DCC: variants seen among roughly 807,000 people sequenced by gnomAD.
DCC encodes DCC netrin 1 receptor.
Under a neutral mutation model 172.5 loss-of-function variants are expected in DCC, and 58 were observed. The observed-to-expected ratio is 0.34, with a 90% confidence interval of 0.27 to 0.42. The LOEUF (loss-of-function observed/expected upper bound fraction) is 0.42. Ranked by LOEUF, DCC falls within the 10% of genes least tolerant of loss-of-function variation. The pLI, the probability that DCC is intolerant of heterozygous loss-of-function variation, is 1.00. For synonymous variants in DCC, 709 were observed against 644.5 expected (o/e 1.10, Z -1.52); for missense variants, 1,740 against 1,791.0 (o/e 0.97, Z 0.51).
chr18:52,864,837 T>C (rs6508172), intron 2 of DCC, among the ~76,000 whole-genome samples: 16,606 of 151,934 alleles, frequency 0.11, 1,290 homozygotes, highest in African/African-American at 0.23. Flanking sequence ...TTCATCCATG[T>C]CCCTGCAAAG....
At chr18:52,581,199 C>CTATCTATCTATCTATCTATCTATCTATG (rs1292610259) in intron 1 of DCC, among the ~76,000 whole-genome samples, 9 of 151,904 alleles carry the variant, frequency 5.9e-5, no homozygotes, top group Non-Finnish European at 1.3e-4. Context: ...ATCTATCTAT[C>CTATCTATCTATCTATCTATCTATCTATG]TATCTATCTA....
intron 5 of DCC, chr18:52,931,867 G>GA (rs1374478398): frequency 1.3e-5 from 2 of 152,114 alleles, no homozygotes; most frequent in Non-Finnish European, 2.9e-5. Flanking sequence ...AGAAACATCT[G>GA]AAACCTGGCT....
intron 11 of DCC, among the ~76,000 whole-genome samples, chr18:53,208,622 TG>T (rs1402958298): frequency 6.6e-6 from 1 of 152,194 alleles, no homozygotes; most frequent in Non-Finnish European, 1.5e-5. Flanking sequence ...ATGTGTATGT[TG>T]CCTACTAAAT....
In DCC at chr18:52,936,645, A is replaced by G. The variant is rs1182582548; in HGVS notation, c.985+11275A>G. 2.0e-5 allele frequency among the ~76,000 whole-genome samples: 3 copies of G among 151,626 alleles called. 1 individual carries two copies. The highest frequency in any genetic ancestry group is 1.3e-4 in the Admixed American group (2 of 15,174). ...AATATAATTTTAATTATCCCTAACA[A>G]TCTAAGCAAGGTGAATTGACAATCT... On this transcript the variant is annotated intron_variant, in intron 5 of 28. Transcript: ENST00000442544.
At position 53,417,727 on chromosome 18, in the gene DCC, T is replaced by C. The variant is rs1910401312; in HGVS notation, c.3163+1571T>C. On this transcript the variant is annotated intron_variant, in intron 21 of 28. Coordinates refer to ENST00000442544, the MANE Select transcript of DCC (RefSeq NM_005215.4). Reference sequence around the variant, plus strand: ...TAGTTGAAATGTCATTATTAGTCACTTAGTTGACAACAAACATGTCCAGGC... The same window carrying C: ...TAGTTGAAATGTCATTATTAGTCACCTAGTTGACAACAAACATGTCCAGGC... Among the ~76,000 whole-genome samples, 2 of 152,288 alleles carry C rather than the reference T, an allele frequency of 1.3e-5. 1 individual carries two copies. Among genetic ancestry groups the C allele is most frequent in the South Asian group, 4.1e-4 (2 of 4,834 alleles).
intron 9 of DCC, among the ~76,000 whole-genome samples, chr18:53,202,664 G>A (rs574159711): frequency 6.6e-6 from 1 of 152,246 alleles, no homozygotes; most frequent in South Asian, 2.1e-4. Context: ...GTAGAGTAGA[G>A]GGCTGGGAAG....
intron 1 of DCC, among the ~76,000 whole-genome samples, chr18:52,559,409 C>A (rs1437032179): frequency 1.3e-5 from 2 of 152,156 alleles, no homozygotes; most frequent in African/African-American, 4.8e-5. Flanking sequence ...CCATGCCCAG[C>A]CTAAGAGAGG....
At chr18:52,824,546 A>T (rs77763340) in intron 2 of DCC, among the ~76,000 whole-genome samples, 2 of 152,130 alleles carry the variant, frequency 1.3e-5, no homozygotes, top group African/African-American at 4.8e-5. Context: ...TCAAAAAAAA[A>T]TTAGAGAATT....
intron 12 of DCC, among the ~76,000 whole-genome samples, chr18:53,260,226 CT>C (rs1396818974): frequency 6.6e-6 from 1 of 152,134 alleles, no homozygotes; most frequent in African/African-American, 2.4e-5. Flanking sequence ...CTCCGTCCAG[CT>C]TTGTTTGGTT....
In DCC at chr18:52,487,150, C is replaced by A. The variant is rs367991940; in HGVS notation, c.91+146272C>A. ...CTGGGAGGGTTGGTGGATGAAGATA[C>A]CTGCTTATCTCTGGATTTTGCAAAT... On this transcript the variant is annotated intron_variant, in intron 1 of 28. Coordinates refer to ENST00000442544, the MANE Select transcript of DCC (RefSeq NM_005215.4). Among the ~76,000 whole-genome samples the A allele has an allele frequency of 3.1e-4, 47 of 152,176 alleles. No individual in the cohort carries two copies. In the South Asian group the frequency reaches 9.3e-3, roughly 30 times the overall value.
chr18:52,814,980 A>T (rs1246791308), intron 2 of DCC, among the ~76,000 whole-genome samples: 1 of 152,202 alleles, frequency 6.6e-6, no homozygotes, highest in Non-Finnish European at 1.5e-5. Context: ...GTGGTGACTC[A>T]TTATAAATGG....
chr18:53,430,493 C>T (rs550608480), intron 21 of DCC, among the ~76,000 whole-genome samples: 5 of 152,146 alleles, frequency 3.3e-5, no homozygotes, highest in East Asian at 1.9e-4. Flanking sequence ...GACTGAAATC[C>T]CAATTGAATT....
intron 1 of DCC, among the ~76,000 whole-genome samples, chr18:52,503,569 A>G (rs2031113186): frequency 6.6e-6 from 1 of 152,152 alleles, no homozygotes; most frequent in Admixed American, 6.5e-5. Flanking sequence ...TGTTCTCCGT[A>G]GTTCTGGTGA....
At chr18:52,541,893 A>ATATATATATATATATG (rs1568220185) in intron 1 of DCC, among the ~76,000 whole-genome samples, 3 of 139,988 alleles carry the variant, frequency 2.1e-5, no homozygotes, top group African/African-American at 7.8e-5. Context: ...ATATATATAT[A>ATATATATATATATATG]TATGTGTATA....
chr18:53,408,255 A>G (rs1909786328), intron 19 of DCC, among the ~76,000 whole-genome samples: 1 of 152,092 alleles, frequency 6.6e-6, no homozygotes, highest in African/African-American at 2.4e-5. Context: ...TTGTTATCTT[A>G]TGGTTTTTGT....
chr18:53,152,679 A>G (rs1184752161), intron 7 of DCC, among the ~76,000 whole-genome samples: 1 of 152,238 alleles, frequency 6.6e-6, no homozygotes, highest in Non-Finnish European at 1.5e-5. Flanking sequence ...GTAATGGGCC[A>G]GAGAGATTAG....
Position 52,500,873 on chromosome 18 carries a change from T to C in DCC, c.91+159995T>C, listed in dbSNP as rs563080936. Among the ~76,000 whole-genome samples, 4 of 152,274 alleles carry C rather than the reference T, an allele frequency of 2.6e-5. No individual in the cohort carries two copies. In the East Asian group the frequency reaches 7.7e-4, roughly 29 times the overall value. On this transcript the variant is annotated intron_variant, in intron 1 of 28. Coordinates refer to ENST00000442544, the MANE Select transcript of DCC (RefSeq NM_005215.4). ...CCTCAGCTGCAAAATGGGGATAAAA[T>C]ATTTACTCCCTAAGGTATTGAAATC...
At chr18:52,779,530 C>T (rs2037494565) in intron 2 of DCC, among the ~76,000 whole-genome samples, 1 of 152,152 alleles carries the variant, frequency 6.6e-6, no homozygotes, top group African/African-American at 2.4e-5. Flanking sequence ...ATATGTGTTG[C>T]ATTTTCTTTA....
chr18:53,017,939 G>C (rs573370468), intron 5 of DCC, among the ~76,000 whole-genome samples: 8 of 152,256 alleles, frequency 5.3e-5, no homozygotes, highest in African/African-American at 1.9e-4. Context: ...TAATTCCTAA[G>C]TTTAGAACAT....
Sources: gnomAD v4.1 joint callset for allele counts (sites outside exome capture counted in the v4.1 genomes callset) on GRCh38, gnomAD v4.1.1 for gene constraint, MANE v1.5 for transcripts, NCBI Gene and HGNC (gene_info 2026-07-23, HGNC 2026-07-21) for gene names.